GRIN2D: variants seen among roughly 807,000 people sequenced by gnomAD.
GRIN2D encodes glutamate receptor ionotropic, NMDA 2D.
Under a neutral mutation model 103.2 loss-of-function variants are expected in GRIN2D, and 37 were observed. The ratio of observed to expected loss-of-function variants is 0.36; its 90% confidence interval spans 0.28 to 0.47. The LOEUF is 0.47. Among genes scored for constraint, GRIN2D ranks in the 20% least tolerant of loss-of-function variants. The pLI is 1.00. For synonymous variants in GRIN2D, 845 were observed against 885.6 expected (o/e 0.95, Z 0.81); for missense variants, 1,557 against 1,910.6 (o/e 0.81, Z 3.45).
chr19:48,395,784 G>C (rs905080163), intron 2 of GRIN2D, among the ~76,000 whole-genome samples: 6 of 152,126 alleles, frequency 3.9e-5, no homozygotes, highest in Admixed American at 6.5e-5. Context: ...GAAACCAAAA[G>C]GGGATCCTTA....
At chr19:48,401,870 G>A (rs2147438015) in intron 3 of GRIN2D, among the ~76,000 whole-genome samples, 2 of 152,338 alleles carry the variant, frequency 1.3e-5, no homozygotes, top group Middle Eastern at 3.4e-3. Context: ...GGAGGCCAAG[G>A]CGGGTGGATC....
At chr19:48,434,285 G>A (rs1156937500) in intron 11 of GRIN2D, among the ~76,000 whole-genome samples, 1 of 151,584 alleles carries the variant, frequency 6.6e-6, no homozygotes, top group African/African-American at 2.4e-5. Flanking sequence ...ATGCAGTCTC[G>A]CTCTGTCACC....
At chr19:48,402,124 G>GAA (rs1020202374) in intron 3 of GRIN2D, among the ~76,000 whole-genome samples, 45 of 56,434 alleles carry the variant, frequency 8.0e-4, no homozygotes, top group Non-Finnish European at 1.3e-3. Context: ...AGGAAAGAAA[G>GAA]AAAGAAAGAA....
intron 9 of GRIN2D, 46 bp downstream of exon 9, chr19:48,419,405 C>A: frequency 6.4e-7 from 1 of 1,573,420 alleles, no homozygotes. Flanking sequence ...TCCCGAACCA[C>A]AGAGACAGAG....
chr19:48,419,479 A>T, intron 9 of GRIN2D, 106 bp from the exon 10 acceptor site: 1 of 1,376,142 alleles, frequency 7.3e-7, no homozygotes. Context: ...GGGAGGTGCC[A>T]GATGCCTTGA....
rs528036869 is a variant in GRIN2D, at chr19:48,393,914, G to C, written c.-306+46G>C. On this transcript the variant is annotated intron_variant, in intron 1 of 13. Transcript: ENST00000263269. This position sits in a 1 kb window ranked among gnomAD's most constrained non-coding sequence, Gnocchi z 5.6. ...GTGTCTGGGGCTGGCTGGTGGAGGG[G>C]GGGTGTGTCTGTAAGCGCTGCGGCG... 6.6e-5 allele frequency among the ~76,000 whole-genome samples: 10 copies of C among 152,178 alleles called. No homozygotes were observed. Among genetic ancestry groups the C allele is most frequent in the African/African-American group, 1.7e-4 (7 of 41,516 alleles).
chr19:48,443,467 C>A lies in GRIN2D; in HGVS notation c.3541C>A (p.Arg1181=). 1.4e-6 allele frequency: 2 copies of A among 1,381,892 alleles called. No homozygotes were observed. Among genetic ancestry groups the A allele is most frequent in the Non-Finnish European group, 1.9e-6 (2 of 1,070,656 alleles). The allele number at this position is 1,381,892 out of a possible 1,614,324, so 85.6% of individuals were successfully genotyped here. ...PRSGPAAWHC[R]HCASLELLPP... is the part of the protein sequence containing the mutation. ...CAGCGGTCCGGCCGCCTGGCACTGT[C>A]GGCACTGCGCCAGCCTGGAGCTGCT... Residue 1181 remains arginine, a synonymous_variant, in exon 14 of 14, where the codon CGG becomes AGG. Coordinates refer to ENST00000263269, the MANE Select transcript of GRIN2D (RefSeq NM_000836.4). The surrounding 1 kb of genome is among the most constrained non-coding windows in gnomAD (Gnocchi z 8.9).
intron 4 of GRIN2D, 36 bp from the exon 5 acceptor site, chr19:48,413,955 G>A: frequency 8.3e-7 from 1 of 1,211,076 alleles, no homozygotes. Context: ...GTCCAGCCCA[G>A]GCCCCAGCAT....
chr19:48,430,217 T>C (rs1276524719), intron 11 of GRIN2D, among the ~76,000 whole-genome samples: 1 of 152,164 alleles, frequency 6.6e-6, no homozygotes, highest in African/African-American at 2.4e-5. Flanking sequence ...TTTTTTTTCT[T>C]GAGACAGGGT....
At chr19:48,399,897 G>A (rs1970688777) in intron 3 of GRIN2D, among the ~76,000 whole-genome samples, 1 of 151,944 alleles carries the variant, frequency 6.6e-6, no homozygotes, top group Non-Finnish European at 1.5e-5. Flanking sequence ...GGCCAGCGAG[G>A]GGCGGGGCCT....
Position 48,404,395 on chromosome 19 carries a change from C to T in GRIN2D, c.466-339C>T, listed in dbSNP as rs553833490. 3.4e-5 allele frequency among the ~76,000 whole-genome samples: 5 copies of T among 148,942 alleles called. No individual in the cohort carries two copies. In the South Asian group the frequency reaches 6.5e-4, roughly 19 times the overall value. The stretch of plus-strand genomic sequence containing the variant: ...GAGTAAGGTTTTATTAGGCTGGGCA[C>T]GGCAGGAGAATCACTTGAACCCAGG... On this transcript the variant is annotated intron_variant, in intron 3 of 13. Transcript: ENST00000263269.
At chr19:48,433,966 T>G (rs1336331246) in intron 11 of GRIN2D, among the ~76,000 whole-genome samples, 2 of 151,322 alleles carry the variant, frequency 1.3e-5, no homozygotes, top group South Asian at 2.1e-4. Flanking sequence ...TTTTTTTTTT[T>G]GAGATGGAGT....
At chr19:48,407,864 G>A (rs1314487088) in intron 4 of GRIN2D, among the ~76,000 whole-genome samples, 1 of 152,188 alleles carries the variant, frequency 6.6e-6, no homozygotes, top group Non-Finnish European at 1.5e-5. Context: ...GTCAGGAAAG[G>A]CCTTTCTGAA....
chr19:48,441,038 A>G (rs1190549265), intron 11 of GRIN2D, among the ~76,000 whole-genome samples: 1 of 152,106 alleles, frequency 6.6e-6, no homozygotes, highest in Admixed American at 6.6e-5. Context: ...TTGGAGGGCT[A>G]TGGTGAGGAG....
intron 8 of GRIN2D, among the ~76,000 whole-genome samples, chr19:48,416,951 G>A (rs1206301084): frequency 1.3e-5 from 2 of 152,068 alleles, no homozygotes; most frequent in African/African-American, 4.8e-5. Context: ...CACCATGGTG[G>A]CCAGCCTAAT....
At chr19:48,432,773 CTTTT>C (rs567358434) in intron 11 of GRIN2D, among the ~76,000 whole-genome samples, 1 of 136,414 alleles carries the variant, frequency 7.3e-6, no homozygotes, top group Non-Finnish European at 1.6e-5. Context: ...ACTGGACTTT[CTTTT>C]TTTTTTTTTT....
In GRIN2D at chr19:48,414,558, CCGGAG is replaced by C; in HGVS notation, c.1388_1392del (p.Arg463ProfsTer179). ...CCTGCATCCGAGACTCCGTCCCCTG[CCGGAG>C]CCAGCTCAACCGAACCCACAGGTGA... is the stretch of plus-strand genomic sequence containing the variant. On this transcript the variant is annotated frameshift_variant, in exon 6 of 14. Coordinates refer to ENST00000263269, the MANE Select transcript of GRIN2D (RefSeq NM_000836.4). LOFTEE classifies it high-confidence loss of function. This position sits in a 1 kb window ranked among gnomAD's most constrained non-coding sequence, Gnocchi z 4.6. 1 of 1,552,678 alleles carries C rather than the reference CCGGAG, an allele frequency of 6.4e-7. No individual in the cohort carries two copies. Among genetic ancestry groups the C allele is most frequent in the Non-Finnish European group, 8.7e-7 (1 of 1,148,512 alleles).
At chr19:48,402,166 A>AAGAAAGAAAGAAAGAGAGAG (rs748167336) in intron 3 of GRIN2D, among the ~76,000 whole-genome samples, 27 of 80,018 alleles carry the variant, frequency 3.4e-4, no homozygotes, top group African/African-American at 1.1e-3. Flanking sequence ...GAAAGAAAGA[A>AAGAAAGAAAGAAAGAGAGAG]AGAGAGAAAA....
intron 11 of GRIN2D, among the ~76,000 whole-genome samples, chr19:48,423,731 C>G (rs920099682): frequency 1.3e-5 from 2 of 151,998 alleles, no homozygotes; most frequent in East Asian, 3.9e-4. Flanking sequence ...GGGCATGAGG[C>G]CAAGGTCAGG....
Sources: gnomAD v4.1 joint callset for allele counts (sites outside exome capture counted in the v4.1 genomes callset) on GRCh38, gnomAD v4.1.1 for gene constraint, Gnocchi (gnomAD v3.1) non-coding constraint, MANE v1.5 for transcripts, NCBI Gene and HGNC (gene_info 2026-07-23, HGNC 2026-07-21) for gene names.